KHDRBS2: variants seen among roughly 807,000 people sequenced by gnomAD.
The protein encoded by KHDRBS2 is KH domain-containing, RNA-binding, signal transduction-associated protein 2.
In KHDRBS2, 26 loss-of-function variants were observed where a neutral mutation model predicts 44.3. The observed-to-expected ratio is 0.59, with a 90% CI of 0.43 to 0.81. KHDRBS2 has a LOEUF of 0.81. KHDRBS2 is among the 40% of genes least tolerant of loss of function. KHDRBS2 has a pLI of 0.00. For missense variants in KHDRBS2, 476 were observed against 433.1 expected (o/e 1.10, Z -0.88); for synonymous variants, 194 against 151.1 (o/e 1.28, Z -2.08).
intron 3 of KHDRBS2, among the ~76,000 whole-genome samples, chr6:62,009,009 A>C (rs1190501015): frequency 2.0e-5 from 3 of 152,192 alleles, no homozygotes; most frequent in Non-Finnish European, 4.4e-5. Context: ...AAAATGTGGA[A>C]GTGACTTTGG....
intron 3 of KHDRBS2, among the ~76,000 whole-genome samples, chr6:62,036,683 G>A (rs1213253761): frequency 6.6e-6 from 1 of 151,980 alleles, no homozygotes; most frequent in Non-Finnish European, 1.5e-5. Flanking sequence ...ATCTACTAGT[G>A]AAAGCAAGCT....
chr6:61,894,846 A>G lies in KHDRBS2; in HGVS notation c.612-13T>C. The G allele has an allele frequency of 1.3e-6, 2 of 1,596,798 alleles. No homozygotes were observed. The highest frequency in any genetic ancestry group is 1.7e-6 in the Non-Finnish European group (2 of 1,168,444). ...ACCCCCACGGCCCCTAAGAGAAACA[A>G]GTCATGTATAGATGAGAAACAGGTG... On this transcript the variant is annotated splice_polypyrimidine_tract_variant and intron_variant, in intron 5 of 8. Transcript: ENST00000281156.
intron 6 of KHDRBS2, among the ~76,000 whole-genome samples, chr6:61,833,703 G>T (rs1224400271): frequency 2.0e-5 from 3 of 152,122 alleles, no homozygotes; most frequent in Non-Finnish European, 2.9e-5. Context: ...TGCATTTCCA[G>T]ATATTTTGGT....
chr6:61,706,957 A>AC (rs11451980), intron 7 of KHDRBS2, among the ~76,000 whole-genome samples: 28,966 of 151,396 alleles, frequency 0.19, 2,929 homozygotes, highest in Admixed American at 0.23. Flanking sequence ...CAAAAACAAA[A>AC]ACAAAACAGT....
intron 6 of KHDRBS2, among the ~76,000 whole-genome samples, chr6:61,859,634 C>G (rs1362074735): frequency 6.6e-6 from 1 of 151,906 alleles, no homozygotes; most frequent in Non-Finnish European, 1.5e-5. Flanking sequence ...AAACCCAGGT[C>G]TCAATGGAGT....
intron 3 of KHDRBS2, among the ~76,000 whole-genome samples, chr6:61,996,799 C>T (rs1482330422): frequency 1.3e-5 from 2 of 149,976 alleles, no homozygotes; most frequent in Admixed American, 6.7e-5. Flanking sequence ...CCCTCACCCC[C>T]CCGAGATAGA....
At chr6:61,847,736 C>T (rs1231830721) in intron 6 of KHDRBS2, among the ~76,000 whole-genome samples, 1 of 152,002 alleles carries the variant, frequency 6.6e-6, no homozygotes, top group Non-Finnish European at 1.5e-5. Flanking sequence ...TCTTTCTCTA[C>T]TTCCTTCATG....
intron 2 of KHDRBS2, among the ~76,000 whole-genome samples, chr6:62,100,764 A>G (rs772992741): frequency 1.3e-5 from 2 of 152,198 alleles, no homozygotes; most frequent in Non-Finnish European, 2.9e-5. Context: ...AGTGTAGCAT[A>G]AACCTAACTT....
chr6:62,104,899 C>T (rs1311104167), intron 2 of KHDRBS2, among the ~76,000 whole-genome samples: 1 of 151,910 alleles, frequency 6.6e-6, no homozygotes, highest in Non-Finnish European at 1.5e-5. Flanking sequence ...TTCTGTGAGA[C>T]TTGTAATGAA....
In KHDRBS2 at chr6:61,875,285, T is replaced by C. The variant is rs114410922; in HGVS notation, c.810+19350A>G. Among the ~76,000 whole-genome samples the C allele has an allele frequency of 2.1e-3, 319 of 152,130 alleles. 3 individuals carry two copies. The highest frequency in any genetic ancestry group is 7.4e-3 in the African/African-American group (307 of 41,536). On this transcript the variant is annotated intron_variant, in intron 6 of 8. Coordinates refer to ENST00000281156, the MANE Select transcript of KHDRBS2 (RefSeq NM_152688.4). ...AGGTGCGGAAACCCATATAATGTTC[T>C]GTGCACAGTAAATAGAACAGGCCGA...
chr6:62,205,514 A>G (rs1203254732), intron 1 of KHDRBS2, among the ~76,000 whole-genome samples: 2 of 152,140 alleles, frequency 1.3e-5, no homozygotes, highest in Non-Finnish European at 2.9e-5. Context: ...ATTCTGTCCA[A>G]CTAGACAGAA....
chr6:61,617,648 CTATTT>C, the KHDRBS2 span, among the ~76,000 whole-genome samples: 3 of 151,234 alleles, frequency 2.0e-5, no homozygotes, highest in Non-Finnish European at 4.4e-5. Flanking sequence ...TTTTTTTTAT[CTATTT>C]TGAGTATCTA....
chr6:61,648,959 T>C, the KHDRBS2 span, among the ~76,000 whole-genome samples: 54 of 152,244 alleles, frequency 3.5e-4, no homozygotes, highest in African/African-American at 1.2e-3. Context: ...TCCAGATAGA[T>C]ATCTCCAGGG....
chr6:61,570,855 C>A, the KHDRBS2 span, among the ~76,000 whole-genome samples: 1 of 151,998 alleles, frequency 6.6e-6, no homozygotes, highest in East Asian at 1.9e-4. Flanking sequence ...AAGCCTTTTT[C>A]AGACAAACAA....
At chr6:62,241,574 C>T (rs61236933) in intron 1 of KHDRBS2, among the ~76,000 whole-genome samples, 1,932 of 151,826 alleles carry the variant, frequency 0.013, 40 homozygotes, top group African/African-American at 0.044. Flanking sequence ...AGTGTGTTGA[C>T]GGCATAGCAC....
the KHDRBS2 span, among the ~76,000 whole-genome samples, chr6:61,571,326 G>A: frequency 6.6e-5 from 10 of 151,902 alleles, no homozygotes; most frequent in South Asian, 2.1e-4. Flanking sequence ...AGACAAAAAG[G>A]GACATTATAT....
the KHDRBS2 span, among the ~76,000 whole-genome samples, chr6:61,571,417 A>G: frequency 6.6e-6 from 1 of 152,140 alleles, no homozygotes; most frequent in Non-Finnish European, 1.5e-5. Flanking sequence ...TCAGATTAAT[A>G]AAACAATTAC....
chr6:62,172,698 G>GAAAAAAAAA (rs33984802), intron 2 of KHDRBS2, among the ~76,000 whole-genome samples: 5 of 73,470 alleles, frequency 6.8e-5, no homozygotes, highest in East Asian at 4.6e-4. Flanking sequence ...CCAGCAAACT[G>GAAAAAAAAA]AAAAAAAAAA....
At chr6:62,177,803 A>G (rs139903023) in intron 1 of KHDRBS2, among the ~76,000 whole-genome samples, 4 of 151,532 alleles carry the variant, frequency 2.6e-5, no homozygotes, top group African/African-American at 7.2e-5. Flanking sequence ...AAATTGCATG[A>G]TATTTCACTA....
Sources: allele counts gnomAD v4.1 joint callset (sites outside exome capture counted in the v4.1 genomes callset), GRCh38; gene constraint gnomAD v4.1.1; transcripts MANE v1.5; gene names NCBI Gene and HGNC (gene_info 2026-07-23, HGNC 2026-07-21).